Variants in AGK observed in about 807,000 individuals in gnomAD.
The protein encoded by AGK is acylglycerol kinase.
Under a neutral mutation model 66.4 loss-of-function variants are expected in AGK, and 52 were observed. The ratio of observed to expected loss-of-function variants is 0.78; its 90% CI spans 0.63 to 0.99. The LOEUF (loss-of-function observed/expected upper bound fraction) is 0.99. Ranked by LOEUF, AGK falls within the 50% of genes least tolerant of loss-of-function variation. The probability of loss-of-function intolerance (pLI) is 0.00; values close to 1 mark genes in which losing one functional copy is unlikely to be tolerated. For synonymous variants in AGK, 182 were observed against 181.1 expected (o/e 1.00, Z -0.04); for missense variants, 451 against 506.6 (o/e 0.89, Z 1.05).
chr7:141,595,475 G>A (rs1399553777), intron 3 of AGK, among the ~76,000 whole-genome samples: 1 of 152,082 alleles, frequency 6.6e-6, no homozygotes, highest in Non-Finnish European at 1.5e-5. Context: ...TTTTGTTTTT[G>A]TTTTTGTTTT....
chr7:141,615,537 C>T lies in AGK; in HGVS notation c.490C>T (p.Leu164Phe). The T allele has an allele frequency of 6.2e-7, 1 of 1,613,948 alleles. No individual in the cohort carries two copies. Among genetic ancestry groups the T allele is most frequent in the Non-Finnish European group, 8.5e-7 (1 of 1,179,836 alleles). Residue 164 changes from leucine (L) to phenylalanine (F), a missense_variant, in exon 8 of 16, where the codon CTC becomes TTC. By Grantham distance (22) the Leu-to-Phe change is conservative (BLOSUM62 0). Coordinates refer to ENST00000649286, the MANE Select transcript of AGK (RefSeq NM_018238.4). ...LGETSSLSHTLFAESGNKVQH... is the reference protein window; with the variant it reads ...LGETSSLSHTFFAESGNKVQH... ...AGAGACCAGTAGTTTGAGTCATACCCTCTTTGCCGAAAGTGGAAACAAAGT... is the reference window on the plus strand; with the variant it reads ...AGAGACCAGTAGTTTGAGTCATACCTTCTTTGCCGAAAGTGGAAACAAAGT...
intron 3 of AGK, 111 bp downstream of exon 3, chr7:141,593,296 A>AT (rs755978508): frequency 8.3e-6 from 8 of 962,114 alleles, no homozygotes; most frequent in African/African-American, 1.6e-5. Context: ...CAGTCTGGCT[A>AT]TTTTTTAGCA....
intron 14 of AGK, among the ~76,000 whole-genome samples, chr7:141,649,661 G>A (rs970510896): frequency 2.0e-5 from 3 of 152,224 alleles, no homozygotes; most frequent in African/African-American, 4.8e-5. Context: ...CCACTTACCC[G>A]ACGTCATGAC....
chr7:141,631,931 T>TTATA (rs1216973593), intron 9 of AGK, among the ~76,000 whole-genome samples: 1 of 152,120 alleles, frequency 6.6e-6, no homozygotes, highest in Non-Finnish European at 1.5e-5. Flanking sequence ...CATCACCTCC[T>TTATA]TATATTAATA....
chr7:141,593,379 G>A, intron 3 of AGK, 194 bp downstream of exon 3: 1 of 706,018 alleles, frequency 1.4e-6, no homozygotes, highest in South Asian at 1.5e-5. Flanking sequence ...GTGAAGAGCA[G>A]TTCTGACGCC....
chr7:141,566,587 G>A lies in AGK; in HGVS notation c.101+11020G>A, dbSNP rs141646338. 2.7e-4 allele frequency among the ~76,000 whole-genome samples: 41 copies of A among 152,008 alleles called. 1 individual carries two copies. The East Asian group carries it at 2.9e-3, about 11-fold the overall frequency. ...GAAATACTCATGAATTTCCTTACCCGCTCTATGTTCTCTATACTTATTCTT... is the reference window on the plus strand; with the variant it reads ...GAAATACTCATGAATTTCCTTACCCACTCTATGTTCTCTATACTTATTCTT... On this transcript the variant is annotated intron_variant, in intron 2 of 15. Coordinates refer to ENST00000649286, the MANE Select transcript of AGK (RefSeq NM_018238.4).
intron 9 of AGK, among the ~76,000 whole-genome samples, chr7:141,629,563 G>A (rs1309851105): frequency 5.3e-5 from 8 of 152,010 alleles, no homozygotes; most frequent in Non-Finnish European, 1.2e-4. Flanking sequence ...GTCTCTCCAT[G>A]ACTGGTCCTC....
intron 8 of AGK, among the ~76,000 whole-genome samples, chr7:141,621,446 A>T (rs1470334624): frequency 6.6e-6 from 1 of 152,238 alleles, no homozygotes; most frequent in Non-Finnish European, 1.5e-5. Context: ...AATGGTAAAT[A>T]GGAGTCAGGC....
intron 3 of AGK, among the ~76,000 whole-genome samples, chr7:141,596,136 T>C (rs1435688074): frequency 2.0e-5 from 3 of 152,194 alleles, no homozygotes; most frequent in Non-Finnish European, 2.9e-5. Context: ...TGTAAACATA[T>C]GAAGATTAAC....
At chr7:141,592,519 C>G (rs1796143298) in intron 2 of AGK, among the ~76,000 whole-genome samples, 1 of 152,104 alleles carries the variant, frequency 6.6e-6, no homozygotes, top group Non-Finnish European at 1.5e-5. Context: ...TGAATCATGT[C>G]TGTAAAATCC....
At chr7:141,632,081 A>T (rs1260785480) in intron 9 of AGK, among the ~76,000 whole-genome samples, 2 of 151,918 alleles carry the variant, frequency 1.3e-5, no homozygotes, top group African/African-American at 4.8e-5. Context: ...GAATACAAAA[A>T]TTAGCTGGGC....
rs373899577 is a variant in AGK, at chr7:141,555,574, A to C, written c.101+7A>C. The C allele has an allele frequency of 2.1e-5, 34 of 1,605,976 alleles. No individual in the cohort carries two copies. The highest frequency in any genetic ancestry group is 2.9e-5 in the Non-Finnish European group (34 of 1,173,814). Reference sequence around the variant, plus strand: ...GGCTCTATGGAAAACACTGGTAACTATCTGACAGCCCCATCCCACCTTTGC... The same window carrying C: ...GGCTCTATGGAAAACACTGGTAACTCTCTGACAGCCCCATCCCACCTTTGC... On this transcript the variant is annotated splice_region_variant and intron_variant, in intron 2 of 15. Coordinates refer to ENST00000649286, the MANE Select transcript of AGK (RefSeq NM_018238.4). This position sits in a 1 kb window ranked among gnomAD's most constrained non-coding sequence, Gnocchi z 4.2.
chr7:141,640,617 C>T (rs911569631), intron 11 of AGK, among the ~76,000 whole-genome samples: 8 of 152,084 alleles, frequency 5.3e-5, no homozygotes, highest in African/African-American at 1.9e-4. Context: ...CAGGATGTGG[C>T]CATGGAAATG....
Position 141,578,313 on chromosome 7 carries a change from G to T in AGK, c.102-14833G>T, listed in dbSNP as rs182698889. ...CTCAGTGGGGGAGCTTTTGAGCCAA[G>T]ATGAGCCAGGAGAAGGAATTTCACA... On this transcript the variant is annotated intron_variant, in intron 2 of 15. Coordinates refer to ENST00000649286, the MANE Select transcript of AGK (RefSeq NM_018238.4). 1.2e-4 allele frequency among the ~76,000 whole-genome samples: 18 copies of T among 151,956 alleles called. No individual in the cohort carries two copies. In the East Asian group the frequency reaches 2.7e-3, roughly 23 times the overall value.
intron 3 of AGK, 33 bp downstream of exon 3, chr7:141,593,218 C>T (rs1796159547): frequency 1.3e-6 from 2 of 1,596,530 alleles, no homozygotes; most frequent in East Asian, 2.2e-5. Context: ...AATTAAGCCC[C>T]TCCTTATCTT....
Position 141,644,283 on chromosome 7 carries a change from G to C in AGK, c.975+2375G>C, listed in dbSNP as rs1161638027. On this transcript the variant is annotated intron_variant, in intron 13 of 15. Coordinates refer to ENST00000649286, the MANE Select transcript of AGK (RefSeq NM_018238.4). ...TGGATTGAGTTCAGTGAGTATGTGA[G>C]TGCGCTCAAGATTAGCCACACTCAC... Among the ~76,000 whole-genome samples the C allele has an allele frequency of 5.3e-5, 8 of 152,226 alleles. No individual in the cohort carries two copies. The South Asian group carries it at 1.2e-3, about 24-fold the overall frequency.
rs1797654505 is a variant in AGK at position 141,654,814 on chromosome 7, T to TGCTTTAGTAG, written c.*1891_*1900dup. ...CACACATCCCATGGAGAGAGACCAATGCTTTAGTAGATTACAGAACAGCTA... is the reference window on the plus strand; with the variant it reads ...CACACATCCCATGGAGAGAGACCAATGCTTTAGTAGGCTTTAGTAGATTACAGAACAGCTA... On this transcript the variant is annotated 3_prime_UTR_variant, in exon 16 of 16. Coordinates refer to ENST00000649286, the MANE Select transcript of AGK (RefSeq NM_018238.4). The TGCTTTAGTAG allele has an allele frequency of 6.6e-6, 1 of 152,204 alleles. No individual in the cohort carries two copies. The highest frequency in any genetic ancestry group is 1.5e-5 in the Non-Finnish European group (1 of 68,058). The allele number at this position is 152,204 out of a possible 1,614,324, so 9.4% of individuals were successfully genotyped here. A position where few individuals can be genotyped will look rare whatever the true frequency, so the allele number is the denominator to read the frequency against.
chr7:141,602,713 A>G (rs1198182932), intron 5 of AGK, among the ~76,000 whole-genome samples: 19 of 151,816 alleles, frequency 1.3e-4, no homozygotes, highest in Non-Finnish European at 2.9e-5. Flanking sequence ...CTACTTTTTA[A>G]AAAAATTTTT....
intron 5 of AGK, among the ~76,000 whole-genome samples, chr7:141,608,996 A>G (rs529098212): frequency 7.2e-5 from 11 of 152,216 alleles, no homozygotes; most frequent in Middle Eastern, 3.4e-3. Context: ...ACATACATAC[A>G]TTTTTTTAAA....
Sources: gnomAD v4.1 joint callset for allele counts (sites outside exome capture counted in the v4.1 genomes callset) on GRCh38, gnomAD v4.1.1 for gene constraint, Gnocchi (gnomAD v3.1) non-coding constraint, MANE v1.5 for transcripts, NCBI Gene and HGNC (gene_info 2026-07-23, HGNC 2026-07-21) for gene names.